Variants in CSMD1 observed in about 807,000 individuals in gnomAD.
The protein encoded by CSMD1 is CUB and sushi domain-containing protein 1.
Under a neutral mutation model 417.5 loss-of-function variants are expected in CSMD1, and 213 were observed. The observed-to-expected ratio is 0.51, with a 90% confidence interval of 0.46 to 0.57. The LOEUF is 0.57. Ranked by LOEUF, CSMD1 falls within the 20% of genes least tolerant of loss-of-function variation. CSMD1 has a pLI of 0.00. For missense variants in CSMD1, 6,923 were observed against 4,529.7 expected (o/e 1.53, Z -15.17); for synonymous variants, 2,862 against 1,736.8 (o/e 1.65, Z -16.11).
intron 23 of CSMD1, among the ~76,000 whole-genome samples, chr8:3,311,641 G>A (rs1023358020): frequency 1.3e-5 from 2 of 152,182 alleles, no homozygotes; most frequent in Non-Finnish European, 2.9e-5. Context: ...ATGGTTGCAT[G>A]GGTGCCCAAA....
intron 41 of CSMD1, chr8:3,129,007 A>C: frequency 2.8e-6 from 1 of 351,646 alleles, no homozygotes; most frequent in East Asian, 7.8e-5. Context: ...AGCAAATAAA[A>C]CACTTGCTTA....
At chr8:3,538,840 T>G (rs1238517898) in intron 10 of CSMD1, among the ~76,000 whole-genome samples, 3 of 152,132 alleles carry the variant, frequency 2.0e-5, no homozygotes. Flanking sequence ...TCACCTGGAG[T>G]GCTGCTGCGG....
Position 4,151,998 on chromosome 8 carries a change from G to C in CSMD1, c.416-119899C>G, listed in dbSNP as rs370240070. Among the ~76,000 whole-genome samples the C allele has an allele frequency of 3.9e-5, 6 of 152,136 alleles. 1 individual carries two copies. The South Asian group carries it at 1.2e-3, about 32-fold the overall frequency. On this transcript the variant is annotated intron_variant, in intron 3 of 69. Coordinates refer to ENST00000635120, the MANE Select transcript of CSMD1 (RefSeq NM_033225.6). ...CTTCCTGCTTGTGGTTTGCTAGGGG[G>C]TCATTTTAACGTAATCAATGTGTTT...
At chr8:3,241,121 C>T (rs1367543949) in intron 26 of CSMD1, among the ~76,000 whole-genome samples, 2 of 151,174 alleles carry the variant, frequency 1.3e-5, no homozygotes, top group African/African-American at 2.4e-5. Flanking sequence ...AGAAGGGCGG[C>T]AATGAGATGT....
intron 3 of CSMD1, among the ~76,000 whole-genome samples, chr8:4,388,354 G>C (rs1008303717): frequency 7.0e-6 from 1 of 143,502 alleles, no homozygotes; most frequent in African/African-American, 2.6e-5. Context: ...ACGAACACAT[G>C]ATGGACTGCT....
chr8:3,912,222 A>G (rs576550444), intron 5 of CSMD1, among the ~76,000 whole-genome samples: 2 of 152,286 alleles, frequency 1.3e-5, no homozygotes, highest in African/African-American at 2.4e-5. Flanking sequence ...GATTCGACAT[A>G]CTTCTATAGG....
At chr8:3,366,735 G>A (rs1344369502) in intron 20 of CSMD1, among the ~76,000 whole-genome samples, 2 of 152,182 alleles carry the variant, frequency 1.3e-5, no homozygotes, top group Non-Finnish European at 2.9e-5. Flanking sequence ...AGTTGGTGAA[G>A]AGAATCGAGT....
Position 3,997,967 on chromosome 8 carries a change from C to A in CSMD1, c.754G>T (p.Asp252Tyr). ...PGDTIALVFT[D>Y]FQLEEGYDFL... ...TCATATCCTTCTTCTAGCTGAAAGTCAGTGAAGACCAGCGCAATGGTGTCC... is the reference window on the plus strand; with the variant it reads ...TCATATCCTTCTTCTAGCTGAAAGTAAGTGAAGACCAGCGCAATGGTGTCC... The change falls in exon 5 of 70, where the codon GAC becomes TAC. Residue 252 changes from aspartate to tyrosine, a missense_variant. By Grantham distance (160) the Asp-to-Tyr change is radical. Coordinates refer to ENST00000635120, the MANE Select transcript of CSMD1 (RefSeq NM_033225.6). The A allele has an allele frequency of 6.2e-7, 1 of 1,611,488 alleles. No individual in the cohort carries two copies. The highest frequency in any genetic ancestry group is 8.5e-7 in the Non-Finnish European group (1 of 1,178,772).
At chr8:4,206,129 G>T (rs761232736) in intron 3 of CSMD1, among the ~76,000 whole-genome samples, 2 of 152,096 alleles carry the variant, frequency 1.3e-5, no homozygotes, top group African/African-American at 4.8e-5. Flanking sequence ...GATAGGGAGG[G>T]TATTTTACCT....
In CSMD1 at chr8:3,791,404, A is replaced by G. The variant is rs951616564; in HGVS notation, c.819-37362T>C. 3.3e-5 allele frequency among the ~76,000 whole-genome samples: 5 copies of G among 152,326 alleles called. No homozygotes were observed. In the East Asian group the frequency reaches 9.6e-4, roughly 29 times the overall value. On this transcript the variant is annotated intron_variant, in intron 5 of 69. Coordinates refer to ENST00000635120, the MANE Select transcript of CSMD1 (RefSeq NM_033225.6). ...ATCTTTCAAAGCTCTTTGACAGGGG[A>G]TTCTTAAAATTCCTCTGTATTTCTC...
At position 4,859,150 on chromosome 8, in the gene CSMD1, A is replaced by T. The variant is rs189100108; in HGVS notation, c.85+135182T>A. Among the ~76,000 whole-genome samples, 617 of 152,184 alleles carry T rather than the reference A, an allele frequency of 4.1e-3. 4 individuals are homozygous for T. The highest frequency in any genetic ancestry group is 6.1e-3 in the Non-Finnish European group (414 of 68,008). On this transcript the variant is annotated intron_variant, in intron 1 of 69. Transcript: ENST00000635120. ...ATCTGATCTTTGACAAACCTGAGAA[A>T]AACAAGCAATGGGGAAAGGATTCCC... is the stretch of plus-strand genomic sequence containing the variant.
chr8:4,687,148 C>A (rs966156887), intron 1 of CSMD1, among the ~76,000 whole-genome samples: 2 of 152,334 alleles, frequency 1.3e-5, no homozygotes, highest in Non-Finnish European at 1.5e-5. Flanking sequence ...CAGGGAAGAG[C>A]ACCGCTGCCA....
chr8:3,268,824 G>T (rs1339570132), intron 26 of CSMD1, among the ~76,000 whole-genome samples: 2 of 152,044 alleles, frequency 1.3e-5, no homozygotes, highest in Middle Eastern at 3.2e-3. Flanking sequence ...GGGGACAGTG[G>T]GGCCTGAAAT....
At position 3,354,917 on chromosome 8, in the gene CSMD1, G is replaced by GA. The variant is rs1191776536; in HGVS notation, c.3304+4234_3304+4235insT. Among the ~76,000 whole-genome samples, 285 of 141,914 alleles carry GA rather than the reference G, an allele frequency of 2.0e-3. 5 individuals carry two copies. Among genetic ancestry groups the GA allele is most frequent in the East Asian group, 5.8e-3 (28 of 4,826 alleles). The allele number at this position is 141,914 out of a possible 152,430, so 93.1% of individuals were successfully genotyped here. The stretch of plus-strand genomic sequence containing the variant: ...TATCTATAGATCTATCTATAGATAT[G>GA]TCTATCTATAGATATAGATATATAT... On this transcript the variant is annotated intron_variant, in intron 21 of 69. Coordinates refer to ENST00000635120, the MANE Select transcript of CSMD1 (RefSeq NM_033225.6).
intron 3 of CSMD1, among the ~76,000 whole-genome samples, chr8:4,312,721 A>G (rs539033163): frequency 3.9e-5 from 6 of 152,190 alleles, no homozygotes; most frequent in Non-Finnish European, 7.4e-5. Context: ...TACTAACGAA[A>G]AAATGAGCCA....
At chr8:3,258,050 C>T (rs888015047) in intron 26 of CSMD1, among the ~76,000 whole-genome samples, 3 of 152,152 alleles carry the variant, frequency 2.0e-5, no homozygotes, top group South Asian at 2.1e-4. Flanking sequence ...GTCGAGTAGA[C>T]AGACAGGGCC....
At chr8:4,970,570 T>C (rs1198973219) in intron 1 of CSMD1, among the ~76,000 whole-genome samples, 1 of 151,808 alleles carries the variant, frequency 6.6e-6, no homozygotes, top group Non-Finnish European at 1.5e-5. Flanking sequence ...TGAACAATAC[T>C]AATGATCTTG....
chr8:4,658,606 C>G (rs1804385975), intron 1 of CSMD1, among the ~76,000 whole-genome samples: 2 of 151,990 alleles, frequency 1.3e-5, no homozygotes, highest in South Asian at 2.1e-4. Context: ...ACAATGAATG[C>G]CAGTGCGGAG....
chr8:4,871,230 A>C (rs1802720952), intron 1 of CSMD1, among the ~76,000 whole-genome samples: 1 of 152,148 alleles, frequency 6.6e-6, no homozygotes, highest in African/African-American at 2.4e-5. Context: ...TGGGTGGTCC[A>C]GAGCTAGCAT....
Sources: allele counts gnomAD v4.1 joint callset (sites outside exome capture counted in the v4.1 genomes callset), GRCh38; gene constraint gnomAD v4.1.1; transcripts MANE v1.5; gene names NCBI Gene and HGNC (gene_info 2026-07-23, HGNC 2026-07-21).